The following AGMO variants were observed in gnomAD, a reference collection of about 807,000 sequenced individuals.
AGMO encodes alkylglycerol monooxygenase.
In AGMO, 75 loss-of-function variants were observed where a neutral mutation model predicts 60.2. The observed-to-expected ratio is 1.25, with a 90% CI of 1.03 to 1.51. AGMO has a LOEUF of 1.51. Ranked by LOEUF, AGMO falls within the 40% of genes most tolerant of loss-of-function variation. AGMO has a pLI of 0.00. For missense variants in AGMO, 763 were observed against 525.5 expected (o/e 1.45, Z -4.42); for synonymous variants, 261 against 177.1 (o/e 1.47, Z -3.76).
At chr7:15,456,177 T>C (rs930399454) in intron 3 of AGMO, among the ~76,000 whole-genome samples, 5 of 152,120 alleles carry the variant, frequency 3.3e-5, no homozygotes, top group Non-Finnish European at 5.9e-5. Context: ...TCTGTCTTCA[T>C]ATATTTAATT....
At chr7:15,484,700 T>C (rs1327281362) in intron 3 of AGMO, among the ~76,000 whole-genome samples, 2 of 152,070 alleles carry the variant, frequency 1.3e-5, no homozygotes, top group African/African-American at 2.4e-5. Flanking sequence ...TCTAGAAAAG[T>C]ACTAGAAACT....
At chr7:15,287,985 T>C (rs567809150) in intron 12 of AGMO, among the ~76,000 whole-genome samples, 1 of 152,298 alleles carries the variant, frequency 6.6e-6, no homozygotes, top group South Asian at 2.1e-4. Context: ...TAGCTGTCAC[T>C]TTCTAAAAAT....
intron 10 of AGMO, among the ~76,000 whole-genome samples, chr7:15,375,103 C>A (rs1783393730): frequency 6.6e-6 from 1 of 152,086 alleles, no homozygotes; most frequent in African/African-American, 2.4e-5. Context: ...GACTGAAAAC[C>A]TCTAGAAAAG....
intron 3 of AGMO, among the ~76,000 whole-genome samples, chr7:15,436,333 G>C (rs1037934061): frequency 1.3e-5 from 2 of 152,034 alleles, no homozygotes; most frequent in Non-Finnish European, 2.9e-5. Flanking sequence ...AGTTGTTTCT[G>C]TGCTTCGAAG....
chr7:15,320,295 A>G (rs1781069396), intron 12 of AGMO, among the ~76,000 whole-genome samples: 1 of 151,892 alleles, frequency 6.6e-6, no homozygotes, highest in African/African-American at 2.4e-5. Context: ...AAATAAATAA[A>G]ATATAATGTA....
chr7:15,400,489 C>T (rs1784523948), intron 5 of AGMO, among the ~76,000 whole-genome samples: 1 of 152,132 alleles, frequency 6.6e-6, no homozygotes, highest in Non-Finnish European at 1.5e-5. Context: ...ATTCCGTGCT[C>T]TAGACCTTTA....
chr7:15,230,904 T>A (rs992577340), intron 12 of AGMO, among the ~76,000 whole-genome samples: 1 of 152,126 alleles, frequency 6.6e-6, no homozygotes, highest in South Asian at 2.1e-4. Context: ...ATGGGGGAAA[T>A]GGAACGAGGG....
chr7:15,421,026 T>G (rs779368403), intron 4 of AGMO, among the ~76,000 whole-genome samples: 2 of 152,134 alleles, frequency 1.3e-5, no homozygotes, highest in Non-Finnish European at 2.9e-5. Flanking sequence ...ATGAGTGGAT[T>G]TTATTCTCTT....
chr7:15,331,442 C>G (rs527697367), intron 12 of AGMO, among the ~76,000 whole-genome samples: 28 of 152,122 alleles, frequency 1.8e-4, no homozygotes, highest in Non-Finnish European at 3.2e-4. Flanking sequence ...AAATGTGTGT[C>G]TGTGTGTGTG....
At chr7:15,393,602 G>C (rs543553672) in intron 6 of AGMO, among the ~76,000 whole-genome samples, 4 of 152,242 alleles carry the variant, frequency 2.6e-5, no homozygotes, top group Non-Finnish European at 4.4e-5. Context: ...GTCTTTAAAC[G>C]TTAGGCACTT....
chr7:15,358,305 TA>T (rs1782619840), intron 12 of AGMO: 1 of 413,468 alleles, frequency 2.4e-6, no homozygotes, highest in South Asian at 1.9e-5. Context: ...CTTCTGCACA[TA>T]AAATGGCTGA....
rs367804914 is a variant in AGMO at position 15,561,776 on chromosome 7, T to C, written c.70A>G (p.Lys24Glu). 9.9e-6 allele frequency: 16 copies of C among 1,612,188 alleles called. No homozygotes were observed. The African/African-American group carries it at 1.5e-4, about 15-fold the overall frequency. ...GTTTGGAATGAAGTTTCACTGGGTT[T>C]CATCGTGTAAAACAACATGCGAAAT... ...QGFRMLFYTM[K>E]PSETSFQTLE... is the part of the protein sequence containing the mutation. The change falls in exon 1 of 13, where the codon AAA (lysine) becomes GAA (glutamate). Residue 24 changes from lysine to glutamate, a missense_variant. Lys to Glu is a moderately conservative substitution (Grantham distance 56). Transcript: ENST00000342526.
At chr7:15,425,052 A>G (rs1056731588) in intron 4 of AGMO, among the ~76,000 whole-genome samples, 10 of 152,216 alleles carry the variant, frequency 6.6e-5, no homozygotes, top group African/African-American at 2.4e-4. Context: ...TATCACACAT[A>G]AGAATCATAC....
At chr7:15,386,503 T>C (rs1331527640) in intron 9 of AGMO, among the ~76,000 whole-genome samples, 3 of 152,232 alleles carry the variant, frequency 2.0e-5, no homozygotes, top group African/African-American at 7.2e-5. Flanking sequence ...ATTTCACCTA[T>C]ATCAAGTTGG....
chr7:15,255,604 G>A (rs977413829), intron 12 of AGMO, among the ~76,000 whole-genome samples: 2 of 150,660 alleles, frequency 1.3e-5, no homozygotes, highest in African/African-American at 2.4e-5. Context: ...CACAGATGCC[G>A]GAATTCTTAA....
At chr7:15,118,981 C>T in the AGMO span, among the ~76,000 whole-genome samples, 8 of 107,300 alleles carry the variant, frequency 7.5e-5, no homozygotes, top group Non-Finnish European at 1.3e-4. Context: ...CAGAATTAAG[C>T]TATTGGGGTT....
downstream of AGMO, among the ~76,000 whole-genome samples, chr7:15,197,972 A>G (rs1168487208): frequency 6.6e-6 from 1 of 152,182 alleles, no homozygotes; most frequent in Non-Finnish European, 1.5e-5. Flanking sequence ...CTCAGACTCA[A>G]AATTATCTGC....
chr7:15,203,722 G>A (rs1259348894), intron 12 of AGMO, among the ~76,000 whole-genome samples: 2 of 152,044 alleles, frequency 1.3e-5, no homozygotes, highest in Admixed American at 1.3e-4. Context: ...TTGGCAGTGA[G>A]ACAGTAGGAA....
intron 12 of AGMO, among the ~76,000 whole-genome samples, chr7:15,241,082 A>G (rs1782573564): frequency 6.6e-6 from 1 of 152,186 alleles, no homozygotes; most frequent in South Asian, 2.1e-4. Flanking sequence ...AGGGAAAGTC[A>G]GTCAGTTCCT....
Sources: allele counts gnomAD v4.1 joint callset (sites outside exome capture counted in the v4.1 genomes callset), GRCh38; gene constraint gnomAD v4.1.1; transcripts MANE v1.5; gene names NCBI Gene and HGNC (gene_info 2026-07-23, HGNC 2026-07-21).